Variants in LOC400499 observed in about 807,000 individuals in gnomAD.
the LOC400499 span, among the ~76,000 whole-genome samples, chr16:11,374,434 A>G: frequency 6.6e-6 from 1 of 152,208 alleles, no homozygotes; most frequent in African/African-American, 2.4e-5. Context: ...CAATCTCTGG[A>G]ACTCAGTAAA....
the LOC400499 span, chr16:11,514,537 G>A: frequency 5.5e-5 from 22 of 399,784 alleles, no homozygotes; most frequent in Non-Finnish European, 7.9e-5. Flanking sequence ...AGGTCAGGCC[G>A]GGCTGCGGAC....
chr16:11,397,339 T>C, the LOC400499 span, among the ~76,000 whole-genome samples: 3 of 152,182 alleles, frequency 2.0e-5, no homozygotes, highest in African/African-American at 7.2e-5. Flanking sequence ...AATGGCACGA[T>C]CTCAGCTCAC....
the LOC400499 span, chr16:11,390,315 C>T: frequency 8.1e-7 from 1 of 1,233,010 alleles, no homozygotes; most frequent in Non-Finnish European, 1.0e-6. Flanking sequence ...CCAGGGCCGC[C>T]CTGATGGGCC....
chr16:11,419,780 A>G, the LOC400499 span, among the ~76,000 whole-genome samples: 1 of 152,234 alleles, frequency 6.6e-6, no homozygotes, highest in South Asian at 2.1e-4. Context: ...AAAAGTGGGC[A>G]AAGGATATGA....
the LOC400499 span, chr16:11,460,103 A>C: frequency 2.3e-6 from 3 of 1,301,866 alleles, no homozygotes; most frequent in East Asian, 2.9e-5. Flanking sequence ...CTGCCCACCC[A>C]GTCCCTGGGC....
chr16:11,398,402 G>C, the LOC400499 span: 7 of 1,232,336 alleles, frequency 5.7e-6, no homozygotes, highest in African/African-American at 7.7e-5. Flanking sequence ...AGCGTGCATA[G>C]TCAGTCTGTA....
At chr16:11,498,435 T>C in the LOC400499 span, among the ~76,000 whole-genome samples, 95 of 152,234 alleles carry the variant, frequency 6.2e-4, no homozygotes, top group African/African-American at 2.2e-3. Context: ...TGAGCCGAGA[T>C]TGCGCCACTG....
chr16:11,399,195 G>A, the LOC400499 span: 91 of 984,762 alleles, frequency 9.2e-5, no homozygotes, highest in African/African-American at 1.4e-3. Flanking sequence ...GCCCCCTCCC[G>A]AGAAGCCCCC....
At chr16:11,406,686 C>A in the LOC400499 span, among the ~76,000 whole-genome samples, 1 of 152,262 alleles carries the variant, frequency 6.6e-6, no homozygotes, top group Admixed American at 6.5e-5. Context: ...CCCGCCTCGG[C>A]CTCCCAAAGT....
At chr16:11,491,561 G>A in the LOC400499 span, 27 of 389,502 alleles carry the variant, frequency 6.9e-5, no homozygotes, top group African/African-American at 5.6e-4. Flanking sequence ...GTGTGGTAGA[G>A]AAACAGGGGA....
chr16:11,456,722 C>G, the LOC400499 span: 22 of 1,061,406 alleles, frequency 2.1e-5, no homozygotes, highest in Non-Finnish European at 3.0e-5. Flanking sequence ...GCCACTGTGC[C>G]TGGCCCAGTT....
chr16:11,456,586 G>A, the LOC400499 span, among the ~76,000 whole-genome samples: 6 of 152,206 alleles, frequency 3.9e-5, no homozygotes, highest in African/African-American at 1.2e-4. Flanking sequence ...TAAAGATAAG[G>A]TTTTCGTTTG....
the LOC400499 span, among the ~76,000 whole-genome samples, chr16:11,389,291 T>C: frequency 6.6e-6 from 1 of 152,188 alleles, no homozygotes. Flanking sequence ...ACCTAACGTA[T>C]AGCTCAGGGG....
At chr16:11,396,376 C>A in the LOC400499 span, 1 of 839,954 alleles carries the variant, frequency 1.2e-6, no homozygotes, top group Non-Finnish European at 1.6e-6. Flanking sequence ...ATCCAGAATG[C>A]TGGTTTGCAG....
At chr16:11,402,800 G>A in the LOC400499 span, among the ~76,000 whole-genome samples, 5 of 152,244 alleles carry the variant, frequency 3.3e-5, no homozygotes, top group African/African-American at 1.2e-4. Flanking sequence ...GCTTTATGCC[G>A]CTGAGTTTCG....
At chr16:11,487,044 G>A in the LOC400499 span, among the ~76,000 whole-genome samples, 1 of 151,980 alleles carries the variant, frequency 6.6e-6, no homozygotes, top group Non-Finnish European at 1.5e-5. Context: ...TCAGTGGATA[G>A]ATGGAAGGAG....
At chr16:11,486,520 CTGGATAGATGATGGGAGGGTGGG>C in the LOC400499 span, among the ~76,000 whole-genome samples, 1 of 115,540 alleles carries the variant, frequency 8.7e-6, no homozygotes, top group Non-Finnish European at 1.7e-5. Context: ...TGAATGATGG[CTGGATAGATGATGGGAGGGTGGG>C]TGGATAGATG....
the LOC400499 span, among the ~76,000 whole-genome samples, chr16:11,485,692 T>C: frequency 6.6e-6 from 1 of 152,192 alleles, no homozygotes; most frequent in Non-Finnish European, 1.5e-5. Context: ...CCATCTGCTT[T>C]TCCTTTCTTA....
At chr16:11,378,443 T>C in the LOC400499 span, among the ~76,000 whole-genome samples, 1 of 152,102 alleles carries the variant, frequency 6.6e-6, no homozygotes, top group Non-Finnish European at 1.5e-5. Flanking sequence ...TTTATAATTT[T>C]AGTAGAGCTG....
Sources: gnomAD v4.1 joint callset for allele counts (sites outside exome capture counted in the v4.1 genomes callset) on GRCh38, gnomAD v4.1.1 for gene constraint, MANE v1.5 for transcripts.